MYO16: variants seen among roughly 807,000 people sequenced by gnomAD.
MYO16 encodes myosin XVI.
In MYO16, 94 loss-of-function variants were observed where a neutral mutation model predicts 205.3. The observed-to-expected ratio is 0.46, with a 90% CI of 0.39 to 0.54. MYO16 has a LOEUF of 0.54. Among genes scored for constraint, MYO16 ranks in the 20% least tolerant of loss-of-function variants. The pLI is 0.00. For synonymous variants in MYO16, 988 were observed against 954.0 expected (o/e 1.04, Z -0.66); for missense variants, 2,315 against 2,387.5 (o/e 0.97, Z 0.63).
At chr13:108,700,423 G>T (rs889547438) in intron 2 of MYO16, among the ~76,000 whole-genome samples, 14 of 151,620 alleles carry the variant, frequency 9.2e-5, no homozygotes, top group Non-Finnish European at 1.9e-4. Flanking sequence ...GTGTTTTGTG[G>T]TCCTTTGACG....
chr13:108,817,900 A>G (rs1029941378), intron 7 of MYO16, among the ~76,000 whole-genome samples: 1 of 152,218 alleles, frequency 6.6e-6, no homozygotes, highest in African/African-American at 2.4e-5. Context: ...TGACCATTTT[A>G]AAATATCTGG....
intron 27 of MYO16, among the ~76,000 whole-genome samples, chr13:109,064,348 CTG>C (rs1046235863): frequency 6.6e-6 from 1 of 152,100 alleles, no homozygotes; most frequent in Non-Finnish European, 1.5e-5. Context: ...CATCCAAACT[CTG>C]TGCAACTGAA....
intron 34 of MYO16, among the ~76,000 whole-genome samples, chr13:109,187,456 T>C (rs1307333590): frequency 6.6e-6 from 1 of 152,208 alleles, no homozygotes; most frequent in African/African-American, 2.4e-5. Context: ...ATAGGTAGCA[T>C]AGATCACTGA....
intron 16 of MYO16, among the ~76,000 whole-genome samples, chr13:108,937,875 T>C (rs943806026): frequency 6.6e-6 from 1 of 152,216 alleles, no homozygotes; most frequent in Non-Finnish European, 1.5e-5. Context: ...GCTTTACCTG[T>C]CATTTCTGAC....
chr13:109,049,775 T>C (rs1324155277), intron 24 of MYO16, among the ~76,000 whole-genome samples: 1 of 152,168 alleles, frequency 6.6e-6, no homozygotes, highest in Non-Finnish European at 1.5e-5. Context: ...TATTTTGAAG[T>C]GGTTTTAAAC....
chr13:108,566,264 G>A, the MYO16 span, among the ~76,000 whole-genome samples: 2 of 152,066 alleles, frequency 1.3e-5, no homozygotes, highest in African/African-American at 4.8e-5. Context: ...TAGATTGTAT[G>A]TATTTAGAAA....
chr13:108,729,359 C>A (rs1253236287), intron 4 of MYO16, among the ~76,000 whole-genome samples: 1 of 152,134 alleles, frequency 6.6e-6, no homozygotes, highest in Non-Finnish European at 1.5e-5. Context: ...ACTCATAGAG[C>A]ACGCAGCTGG....
chr13:108,926,807 G>A (rs925976840), intron 16 of MYO16, among the ~76,000 whole-genome samples: 1 of 152,146 alleles, frequency 6.6e-6, no homozygotes, highest in African/African-American at 2.4e-5. Flanking sequence ...CACTGATGAA[G>A]TTGATCCAAT....
Position 108,889,531 on chromosome 13 carries a change from G to A in MYO16, c.1659+1054G>A, listed in dbSNP as rs553203458. Among the ~76,000 whole-genome samples, 4 of 152,262 alleles carry A rather than the reference G, an allele frequency of 2.6e-5. No individual in the cohort carries two copies. The East Asian group carries it at 7.7e-4, about 29-fold the overall frequency. On this transcript the variant is annotated intron_variant, in intron 14 of 34. Transcript: ENST00000457511. ...ACATTGAAAGGCCACTGGAAGGAAT[G>A]GCTAACAGTGGGGGGAACAGACAGG...
chr13:108,874,784 A>G (rs1311618890), intron 12 of MYO16, among the ~76,000 whole-genome samples: 1 of 151,564 alleles, frequency 6.6e-6, no homozygotes, highest in Non-Finnish European at 1.5e-5. Flanking sequence ...AAAACATGTC[A>G]CCTATACATA....
At chr13:108,798,709 T>TC (rs1886872870) in intron 6 of MYO16, among the ~76,000 whole-genome samples, 1 of 129,044 alleles carries the variant, frequency 7.7e-6, no homozygotes, top group African/African-American at 3.0e-5. Flanking sequence ...TTTTTTTTTT[T>TC]TTTTTTTGAG....
intron 12 of MYO16, among the ~76,000 whole-genome samples, chr13:108,872,094 C>G (rs1250345833): frequency 6.6e-6 from 1 of 152,036 alleles, no homozygotes; most frequent in Non-Finnish European, 1.5e-5. Flanking sequence ...TCTGTATGCA[C>G]CAAGGGGTGG....
chr13:108,906,784 G>A (rs982016319), intron 15 of MYO16, among the ~76,000 whole-genome samples: 3 of 152,100 alleles, frequency 2.0e-5, no homozygotes, highest in Admixed American at 6.6e-5. Context: ...GGACACTTGC[G>A]TCTTTTCTTC....
intron 1 of MYO16, among the ~76,000 whole-genome samples, chr13:108,642,603 A>G (rs1275684631): frequency 6.6e-6 from 1 of 152,032 alleles, no homozygotes; most frequent in Non-Finnish European, 1.5e-5. Flanking sequence ...TTTTTAGTAG[A>G]GACAGGGTTT....
At chr13:108,889,113 G>A (rs1594372569) in intron 14 of MYO16, among the ~76,000 whole-genome samples, 1 of 152,028 alleles carries the variant, frequency 6.6e-6, no homozygotes, top group South Asian at 2.1e-4. Context: ...TTGGGGAGCT[G>A]GCCAGAAAAG....
intron 1 of MYO16, among the ~76,000 whole-genome samples, chr13:108,615,836 G>C (rs576362420): frequency 2.0e-5 from 3 of 152,082 alleles, no homozygotes; most frequent in African/African-American, 4.8e-5. Flanking sequence ...ATCTACAACT[G>C]TCTACCTCCA....
chr13:108,804,266 T>C (rs1465645190), intron 6 of MYO16, among the ~76,000 whole-genome samples: 3 of 152,214 alleles, frequency 2.0e-5, no homozygotes, highest in East Asian at 3.9e-4. Flanking sequence ...TGTAGCTAGA[T>C]AGGTGATTTC....
chr13:109,118,002 CTG>C (rs1003336553), intron 28 of MYO16, among the ~76,000 whole-genome samples: 1 of 152,184 alleles, frequency 6.6e-6, no homozygotes, highest in Non-Finnish European at 1.5e-5. Context: ...GTCCACATAA[CTG>C]TACCCTCAGA....
chr13:109,201,637 G>A (rs1880399736), intron 34 of MYO16, among the ~76,000 whole-genome samples: 1 of 151,936 alleles, frequency 6.6e-6, no homozygotes, highest in African/African-American at 2.4e-5. Flanking sequence ...TGGTGAGCAG[G>A]TGGTATTTGG....
Sources: allele counts gnomAD v4.1 joint callset (sites outside exome capture counted in the v4.1 genomes callset), GRCh38; gene constraint gnomAD v4.1.1; transcripts MANE v1.5; gene names NCBI Gene and HGNC (gene_info 2026-07-23, HGNC 2026-07-21).